RNF216: variants seen among roughly 807,000 people sequenced by gnomAD.
The protein encoded by RNF216 is E3 ubiquitin-protein ligase RNF216.
Under a neutral mutation model 110.8 loss-of-function variants are expected in RNF216, and 72 were observed. The ratio of observed to expected loss-of-function variants is 0.65; its 90% CI spans 0.54 to 0.79. The LOEUF is 0.79. Among genes scored for constraint, RNF216 ranks in the 30% least tolerant of loss-of-function variants. The pLI is 0.00. For missense variants in RNF216, 1,342 were observed against 1,141.2 expected (o/e 1.18, Z -2.54); for synonymous variants, 495 against 407.5 (o/e 1.21, Z -2.59).
chr7:5,643,648 G>A (rs1333842474), intron 14 of RNF216, among the ~76,000 whole-genome samples: 2 of 152,172 alleles, frequency 1.3e-5, no homozygotes, highest in Non-Finnish European at 2.9e-5. Flanking sequence ...GCGTGAAGAT[G>A]CATGTGTGTA....
intron 14 of RNF216, among the ~76,000 whole-genome samples, chr7:5,649,442 A>C (rs965897213): frequency 1.3e-5 from 2 of 152,044 alleles, no homozygotes; most frequent in Non-Finnish European, 2.9e-5. Context: ...TCAGGAGGTC[A>C]AGGCTAAGGT....
At position 5,621,531 on chromosome 7, in the gene RNF216, C is replaced by G. The variant is rs1367413751; in HGVS notation, c.*1329G>C. On this transcript the variant is annotated 3_prime_UTR_variant, in exon 17 of 17. Transcript: ENST00000389902. ...CAGCGAATGACGGTGCCCGCCTGCC[C>G]CAGGCACCTTGGGTGGGCCAGGCCC... is the stretch of plus-strand genomic sequence containing the variant. 6.6e-6 allele frequency: 1 copy of G among 152,294 alleles called. No homozygotes were observed. Among genetic ancestry groups the G allele is most frequent in the Non-Finnish European group, 1.5e-5 (1 of 68,096 alleles). 9.4% of individuals were successfully genotyped at this position (152,294 alleles called of 1,614,324 possible).
chr7:5,719,565 T>A (rs1015003798), intron 9 of RNF216, among the ~76,000 whole-genome samples: 1 of 152,158 alleles, frequency 6.6e-6, no homozygotes, highest in East Asian at 1.9e-4. Context: ...ACAATGTGAA[T>A]ATCACCAAGA....
Position 5,674,952 on chromosome 7 carries a change from G to A in RNF216, c.2062-22442C>T, listed in dbSNP as rs373726004. On this transcript the variant is annotated intron_variant, in intron 13 of 16. Transcript: ENST00000389902. ...GTGGAGGTTGCAGTGAGCTGAGATC[G>A]CGCCACTGCACTCCAGCCTGGGCGA... Among the ~76,000 whole-genome samples, 15 of 152,006 alleles carry A rather than the reference G, an allele frequency of 9.9e-5. No homozygotes were observed. The East Asian group carries it at 2.3e-3, about 23-fold the overall frequency.
rs1786471755 is a variant in RNF216 at position 5,622,954 on chromosome 7, T to C, written c.2678A>G (p.Asn893Ser). 4 of 1,613,982 alleles carry C rather than the reference T, an allele frequency of 2.5e-6. No homozygotes were observed. The highest frequency in any genetic ancestry group is 3.4e-6 in the Non-Finnish European group (4 of 1,179,972). ...ACCGAAGTCATAGTTGACCCGCACG[T>C]TGGGCAGAGGGGGCACGTACGGGGC... ...IPAPYVPPLP[N>S]VRVNYDFGPI... Residue 893 changes from asparagine to serine, a missense_variant, in exon 17 of 17, where the codon AAC (asparagine) becomes AGC (serine). Transcript: ENST00000389902.
At chr7:5,684,937 C>T (rs1790883534) in intron 13 of RNF216, among the ~76,000 whole-genome samples, 1 of 152,046 alleles carries the variant, frequency 6.6e-6, no homozygotes, top group Admixed American at 6.5e-5. Flanking sequence ...TAGTCTGTAG[C>T]TTTGTCACCC....
intron 15 of RNF216, among the ~76,000 whole-genome samples, chr7:5,625,856 A>G (rs1275178150): frequency 0.01 from 1,585 of 152,352 alleles, 25 homozygotes; most frequent in African/African-American, 0.036. Flanking sequence ...GGATGACACT[A>G]TTAAATTCTC....
intron 11 of RNF216, among the ~76,000 whole-genome samples, chr7:5,714,407 C>T (rs1468315654): frequency 2.6e-5 from 4 of 152,100 alleles, no homozygotes; most frequent in Non-Finnish European, 5.9e-5. Flanking sequence ...TATAGGCATG[C>T]GCCACCAGGT....
intron 8 of RNF216, among the ~76,000 whole-genome samples, chr7:5,723,398 C>T (rs764373872): frequency 1.3e-5 from 2 of 152,008 alleles, no homozygotes; most frequent in African/African-American, 4.8e-5. Flanking sequence ...CCTGTAATCT[C>T]GCACTTTGGG....
Position 5,715,048 on chromosome 7 carries a change from C to A in RNF216, c.1833+5G>T, listed in dbSNP as rs895460535. On this transcript the variant is annotated splice_donor_5th_base_variant and intron_variant, in intron 11 of 16. Transcript: ENST00000389902. ...TATACATGGGACATATTACACAGTTCTTACCTTTCCAGATCCAAAGACTGC... is the reference window on the plus strand; with the variant it reads ...TATACATGGGACATATTACACAGTTATTACCTTTCCAGATCCAAAGACTGC... 27 of 1,611,658 alleles carry A rather than the reference C, an allele frequency of 1.7e-5. No individual in the cohort carries two copies. The highest frequency in any genetic ancestry group is 2.3e-5 in the Non-Finnish European group (27 of 1,178,892).
At chr7:5,681,463 G>C (rs972079585) in intron 13 of RNF216, among the ~76,000 whole-genome samples, 8 of 152,188 alleles carry the variant, frequency 5.3e-5, no homozygotes, top group African/African-American at 1.9e-4. Flanking sequence ...GAGGAAATCT[G>C]TAGCCCTGAC....
chr7:5,701,512 T>G (rs1176769004), intron 13 of RNF216, among the ~76,000 whole-genome samples: 2 of 152,208 alleles, frequency 1.3e-5, no homozygotes, highest in Non-Finnish European at 2.9e-5. Flanking sequence ...ACTTGACACT[T>G]TACCCACGCT....
intron 1 of RNF216, among the ~76,000 whole-genome samples, chr7:5,773,301 G>GGC (rs2128682226): frequency 6.6e-6 from 1 of 151,234 alleles, no homozygotes; most frequent in South Asian, 2.1e-4. Context: ...GGAGTGCAGT[G>GGC]GTGCAATCTC....
At chr7:5,642,912 C>G (rs1009001852) in intron 14 of RNF216, among the ~76,000 whole-genome samples, 1 of 152,064 alleles carries the variant, frequency 6.6e-6, no homozygotes, top group South Asian at 2.1e-4. Context: ...GTGTGGCACT[C>G]CAGTTGCCTG....
At chr7:5,703,989 C>T (rs1222212572) in intron 13 of RNF216, among the ~76,000 whole-genome samples, 3 of 152,324 alleles carry the variant, frequency 2.0e-5, no homozygotes, top group Non-Finnish European at 4.4e-5. Context: ...TCTTCAGTCT[C>T]ACACCAAACA....
At chr7:5,683,847 G>A (rs576666114) in intron 13 of RNF216, among the ~76,000 whole-genome samples, 1 of 152,232 alleles carries the variant, frequency 6.6e-6, no homozygotes, top group East Asian at 1.9e-4. Flanking sequence ...TTACAGCCTA[G>A]TTGCTATGGC....
chr7:5,741,678 CA>C lies in RNF216; in HGVS notation c.338del (p.Val113GlyfsTer100). The C allele has an allele frequency of 6.2e-7, 1 of 1,614,180 alleles. No homozygotes were observed. Among genetic ancestry groups the C allele is most frequent in the Non-Finnish European group, 8.5e-7 (1 of 1,180,040 alleles). The part of the protein sequence containing the change: ...FESDKSSYFS[V>X]CNNPLFDSGA... ...CAGAATCAAACAATGGGTTGTTACA[CA>C]CTGAAAAATAGCTGCTCTTATCTGA... On this transcript the variant is annotated frameshift_variant, in exon 4 of 17. Transcript: ENST00000389902. LOFTEE classifies it high-confidence loss of function.
At chr7:5,732,017 C>G (rs1307321429) in intron 5 of RNF216, among the ~76,000 whole-genome samples, 1 of 152,180 alleles carries the variant, frequency 6.6e-6, no homozygotes, top group Non-Finnish European at 1.5e-5. Flanking sequence ...GTCCCATATA[C>G]TCTTCATCTC....
intron 1 of RNF216, among the ~76,000 whole-genome samples, chr7:5,764,474 G>A (rs1001590918): frequency 3.3e-5 from 5 of 151,584 alleles, no homozygotes; most frequent in South Asian, 2.1e-4. Flanking sequence ...ATGGCAAAAC[G>A]CCGTCTCTAC....
Sources: gnomAD v4.1 joint callset for allele counts (sites outside exome capture counted in the v4.1 genomes callset) on GRCh38, gnomAD v4.1.1 for gene constraint, MANE v1.5 for transcripts, NCBI Gene and HGNC (gene_info 2026-07-23, HGNC 2026-07-21) for gene names.